KAZN: variants seen among roughly 807,000 people sequenced by gnomAD.
KAZN encodes the protein kazrin, periplakin interacting protein.
A neutral mutation model predicts 87.4 loss-of-function variants in KAZN; 40 were observed. The observed-to-expected ratio is 0.46, with a 90% CI of 0.36 to 0.60. KAZN has a LOEUF of 0.60. Among genes scored for constraint, KAZN ranks in the 20% least tolerant of loss-of-function variants. KAZN has a pLI of 0.00. For missense variants in KAZN, 898 were observed against 1,073.9 expected (o/e 0.84, Z 2.29); for synonymous variants, 466 against 458.3 (o/e 1.02, Z -0.22).
At chr1:14,818,508 C>T (rs1198638392) in intron 1 of KAZN, among the ~76,000 whole-genome samples, 2 of 152,232 alleles carry the variant, frequency 1.3e-5, no homozygotes, top group Non-Finnish European at 2.9e-5. Flanking sequence ...GGAGAGCATG[C>T]CTGCATGGAT....
At chr1:14,982,730 C>G (rs1666385268) in intron 2 of KAZN, among the ~76,000 whole-genome samples, 1 of 152,168 alleles carries the variant, frequency 6.6e-6, no homozygotes, top group African/African-American at 2.4e-5. Flanking sequence ...TGGCCAGCAC[C>G]TGAGATCTTG....
intron 1 of KAZN, among the ~76,000 whole-genome samples, chr1:14,774,263 T>C (rs1021725108): frequency 3.2e-4 from 49 of 152,142 alleles, no homozygotes; most frequent in African/African-American, 1.2e-3. Flanking sequence ...GGGTCGCCTC[T>C]GTGGGCCTCA....
chr1:15,068,677 C>T (rs1036553526), intron 8 of KAZN, among the ~76,000 whole-genome samples: 1 of 151,926 alleles, frequency 6.6e-6, no homozygotes, highest in African/African-American at 2.4e-5. Flanking sequence ...CCCAAGAGAA[C>T]CCCCCAGATA....
chr1:14,879,288 TTAAA>T (rs1378523248), intron 1 of KAZN, among the ~76,000 whole-genome samples: 1 of 152,224 alleles, frequency 6.6e-6, no homozygotes, highest in East Asian at 1.9e-4. Context: ...GTTTCTAGCA[TTAAA>T]TAAATTAATA....
chr1:14,584,767 C>G (rs983243696), intron 2 of KAZN, among the ~76,000 whole-genome samples: 26 of 152,116 alleles, frequency 1.7e-4, no homozygotes, highest in Non-Finnish European at 4.4e-5. Flanking sequence ...GCCTCAACCT[C>G]CCGAGTAGCT....
intron 1 of KAZN, among the ~76,000 whole-genome samples, chr1:14,004,578 C>T (rs1004685207): frequency 2.0e-5 from 3 of 152,282 alleles, no homozygotes; most frequent in East Asian, 1.9e-4. Flanking sequence ...AGAAGAAGCA[C>T]GATGAGAATT....
At chr1:14,440,543 A>G (rs2101445898) in intron 2 of KAZN, among the ~76,000 whole-genome samples, 1 of 152,350 alleles carries the variant, frequency 6.6e-6, no homozygotes, top group Admixed American at 6.5e-5. Flanking sequence ...TGCCTAATTC[A>G]GTATATGACA....
chr1:14,795,628 C>A (rs1383615376), intron 1 of KAZN, among the ~76,000 whole-genome samples: 1 of 152,276 alleles, frequency 6.6e-6, no homozygotes, highest in South Asian at 2.1e-4. Flanking sequence ...ATCTGCCCAA[C>A]CTCGCTCCCA....
intron 1 of KAZN, among the ~76,000 whole-genome samples, chr1:14,025,643 C>T (rs1177051718): frequency 6.6e-6 from 1 of 152,196 alleles, no homozygotes; most frequent in Non-Finnish European, 1.5e-5. Flanking sequence ...GTTATATTTT[C>T]ACACTTCAGT....
intron 2 of KAZN, among the ~76,000 whole-genome samples, chr1:14,211,896 C>G (rs1168886150): frequency 6.6e-6 from 1 of 151,864 alleles, no homozygotes; most frequent in African/African-American, 2.4e-5. Flanking sequence ...CAGGCAAGCT[C>G]CTTGGTGCCA....
In KAZN at chr1:14,769,130, GC is replaced by G. The variant is rs1644957709; in HGVS notation, c.226+169909del. ...TTGCTGTCCATTCACAGTGGTTGGA[GC>G]CAAGCCCATCAAGGCCAGCAGCAGG... On this transcript the variant is annotated intron_variant, in intron 1 of 14. Transcript: ENST00000376030. This position sits in a 1 kb window ranked among gnomAD's most constrained non-coding sequence, Gnocchi z 4.1. Among the ~76,000 whole-genome samples the G allele has an allele frequency of 6.6e-6, 1 of 152,136 alleles. No homozygotes were observed. The highest frequency in any genetic ancestry group is 2.4e-5 in the African/African-American group (1 of 41,444).
intron 1 of KAZN, among the ~76,000 whole-genome samples, chr1:14,928,176 C>T (rs1397590718): frequency 6.6e-6 from 1 of 152,186 alleles, no homozygotes; most frequent in Non-Finnish European, 1.5e-5. Flanking sequence ...TATGGCGGGG[C>T]GCAGTGGCTC....
In KAZN at chr1:15,094,836, G is replaced by T. The variant is rs758955416; in HGVS notation, c.1450G>T (p.Glu484Ter). 6.5e-7 allele frequency: 1 copy of T among 1,550,224 alleles called. No individual in the cohort carries two copies. The highest frequency in any genetic ancestry group is 1.4e-5 in the African/African-American group (1 of 73,030). Residue 484 changes from glutamate to a stop codon, truncating the protein, a stop_gained, in exon 10 of 15, where the codon GAG becomes TAG. Coordinates refer to ENST00000376030, the MANE Select transcript of KAZN (RefSeq NM_201628.3). LOFTEE classifies it high-confidence loss of function. The surrounding 1 kb of genome is among the most constrained non-coding windows in gnomAD (Gnocchi z 4.5). ...SGKVLLSLSD[E>*]DLQLGLGVCS... ...GCAGGTGCTGCTGAGCCTGAGTGAC[G>T]AGGACCTGCAGCTGGGCCTTGGGGT...
chr1:15,031,144 G>A (rs1267715013), intron 2 of KAZN, among the ~76,000 whole-genome samples: 1 of 152,260 alleles, frequency 6.6e-6, no homozygotes, highest in African/African-American at 2.4e-5. Context: ...CCTTGGGGCT[G>A]GGGACCCTCC....
In KAZN at chr1:14,886,463, C is replaced by CAG. The variant is rs1553151165; in HGVS notation, c.227-74213_227-74212dup. ...ACACACACACACACACACACACACA[C>CAG]AGAGAGAGACAGAGAGAGAGAGACA... On this transcript the variant is annotated intron_variant, in intron 1 of 14. Coordinates refer to ENST00000376030, the MANE Select transcript of KAZN (RefSeq NM_201628.3). 1.6e-3 allele frequency among the ~76,000 whole-genome samples: 223 copies of CAG among 135,936 alleles called. 18 individuals are homozygous for CAG. The highest frequency in any genetic ancestry group is 0.013 in the South Asian group (58 of 4,358). 89.2% of individuals were successfully genotyped at this position (135,936 alleles called of 152,430 possible).
rs3085672 is a variant in KAZN, at chr1:14,340,888, C to CTTT, written c.249+160311_249+160313dup. Among the ~76,000 whole-genome samples the CTTT allele has an allele frequency of 1.3e-3, 137 of 103,136 alleles. 10 individuals carry two copies. Among genetic ancestry groups the CTTT allele is most frequent in the African/African-American group, 4.6e-3 (114 of 24,742 alleles). The allele number at this position is 103,136 out of a possible 152,430, so 67.7% of individuals were successfully genotyped here. On this transcript the variant is annotated intron_variant, in intron 2 of 16. Coordinates refer to the KAZN transcript ENST00000636203. ...ATCTCCGTAAGGGTCATGATTTTCC[C>CTTT]TTTTTTTTTTTTTTTTTGAGATGGA...
At chr1:14,248,253 T>G (rs1649694253) in intron 2 of KAZN, among the ~76,000 whole-genome samples, 1 of 152,192 alleles carries the variant, frequency 6.6e-6, no homozygotes, top group African/African-American at 2.4e-5. Context: ...TAAACTCCTA[T>G]AAATGAGTTC....
intron 1 of KAZN, among the ~76,000 whole-genome samples, chr1:13,914,815 C>A (rs1417823613): frequency 1.3e-5 from 2 of 152,194 alleles, no homozygotes; most frequent in Non-Finnish European, 2.9e-5. Flanking sequence ...CAGGTGGCTG[C>A]AATGGGAACC....
chr1:14,944,795 T>G (rs1358300582), intron 1 of KAZN, among the ~76,000 whole-genome samples: 2 of 152,224 alleles, frequency 1.3e-5, no homozygotes, highest in African/African-American at 4.8e-5. Flanking sequence ...GAGGGAAAAG[T>G]GCTTTATTCA....
Sources: allele counts gnomAD v4.1 joint callset (sites outside exome capture counted in the v4.1 genomes callset), GRCh38; gene constraint gnomAD v4.1.1; non-coding constraint Gnocchi (gnomAD v3.1); transcripts MANE v1.5; gene names NCBI Gene and HGNC (gene_info 2026-07-23, HGNC 2026-07-21).